Variants in CADM2 observed in about 807,000 individuals in gnomAD.
The protein encoded by CADM2 is immunoglobulin superfamily member 4D.
In CADM2, 12 loss-of-function variants were observed where a neutral mutation model predicts 49.8. The observed-to-expected ratio is 0.24, with a 90% CI of 0.15 to 0.39. The LOEUF (loss-of-function observed/expected upper bound fraction) is 0.39. Ranked by LOEUF, CADM2 falls within the 10% of genes least tolerant of loss-of-function variation. The pLI, the probability that CADM2 is intolerant of heterozygous loss-of-function variation, is 1.00. For synonymous variants in CADM2, 214 were observed against 175.4 expected (o/e 1.22, Z -1.74); for missense variants, 378 against 492.3 (o/e 0.77, Z 2.20).
chr3:86,005,710 T>G (rs752288749), intron 8 of CADM2, among the ~76,000 whole-genome samples: 37 of 152,322 alleles, frequency 2.4e-4, no homozygotes, highest in Admixed American at 1.4e-3. Flanking sequence ...AACTATTCAA[T>G]TATACACTTT....
chr3:85,255,229 G>C (rs113999814), intron 1 of CADM2, among the ~76,000 whole-genome samples: 1 of 151,868 alleles, frequency 6.6e-6, no homozygotes, highest in Admixed American at 6.6e-5. Context: ...ATTTAGCATG[G>C]CATTTATAAT....
intron 1 of CADM2, among the ~76,000 whole-genome samples, chr3:85,305,502 G>A (rs2044192040): frequency 6.6e-6 from 1 of 151,570 alleles, no homozygotes; most frequent in Non-Finnish European, 1.5e-5. Flanking sequence ...GAGAAAGTAA[G>A]TAATCCTGAA....
chr3:85,737,821 C>T (rs1458092429), intron 2 of CADM2, among the ~76,000 whole-genome samples: 3 of 152,106 alleles, frequency 2.0e-5, no homozygotes, highest in South Asian at 4.1e-4. Context: ...GCCTCCCAAA[C>T]TGCTGGGGTT....
intron 1 of CADM2, among the ~76,000 whole-genome samples, chr3:85,242,121 T>C (rs1273239108): frequency 6.6e-6 from 1 of 151,250 alleles, no homozygotes; most frequent in Non-Finnish European, 1.5e-5. Context: ...ATATAACTTT[T>C]TAAGTGTTCT....
intron 1 of CADM2, among the ~76,000 whole-genome samples, chr3:85,117,331 A>G (rs1350777860): frequency 6.6e-6 from 1 of 152,176 alleles, no homozygotes; most frequent in Non-Finnish European, 1.5e-5. Flanking sequence ...TAAAATATAT[A>G]TAAATAAAAA....
intron 4 of CADM2, among the ~76,000 whole-genome samples, chr3:85,885,271 T>A (rs1265913831): frequency 6.6e-6 from 1 of 151,934 alleles, no homozygotes; most frequent in Non-Finnish European, 1.5e-5. Context: ...GCACGGTGGC[T>A]CTTGCCTGTA....
intron 3 of CADM2, among the ~76,000 whole-genome samples, chr3:85,872,303 T>C (rs918367180): frequency 4.6e-5 from 7 of 152,196 alleles, no homozygotes; most frequent in African/African-American, 1.7e-4. Flanking sequence ...AGAAGTCACC[T>C]CCACAGTATA....
At position 85,106,995 on chromosome 3, in the gene CADM2, G is replaced by A. The variant is rs538022647; in HGVS notation, c.61+147327G>A. ...TCCACATAGGATACAATTAGTAGGA[G>A]GGACGAAAAGAAAAAGTGGGACAGG... On this transcript the variant is annotated intron_variant, in intron 1 of 9. Coordinates refer to ENST00000383699, the MANE Select transcript of CADM2 (RefSeq NM_001167675.2). Among the ~76,000 whole-genome samples, 10 of 152,140 alleles carry A rather than the reference G, an allele frequency of 6.6e-5. No homozygotes were observed. The South Asian group carries it at 2.1e-3, about 32-fold the overall frequency.
chr3:85,991,564 C>A (rs990326799), intron 8 of CADM2, among the ~76,000 whole-genome samples: 1 of 151,976 alleles, frequency 6.6e-6, no homozygotes, highest in African/African-American at 2.4e-5. Context: ...AGGTAATGGC[C>A]TTTAGTATCA....
At chr3:85,385,800 C>CTTTTTTTTT (rs3086134) in intron 1 of CADM2, 3 of 127,506 alleles carry the variant, frequency 2.4e-5, no homozygotes, top group African/African-American at 2.9e-5. Flanking sequence ...TTCTCTCTCT[C>CTTTTTTTTT]TTTTTTTTTT....
At chr3:85,171,695 T>G (rs148521029) in intron 1 of CADM2, among the ~76,000 whole-genome samples, 1 of 152,338 alleles carries the variant, frequency 6.6e-6, no homozygotes, top group East Asian at 1.9e-4. Context: ...ATCAATAGAT[T>G]GAAAATTAAA....
At chr3:85,208,367 A>T (rs910136969) in intron 1 of CADM2, among the ~76,000 whole-genome samples, 1 of 152,200 alleles carries the variant, frequency 6.6e-6, no homozygotes, top group African/African-American at 2.4e-5. Context: ...TGTATGACTT[A>T]GTCAGATAAG....
chr3:85,586,371 A>G (rs547242765), intron 1 of CADM2, among the ~76,000 whole-genome samples: 1 of 152,268 alleles, frequency 6.6e-6, no homozygotes, highest in South Asian at 2.1e-4. Context: ...CAGAAAAACA[A>G]TAGAATAAAG....
At chr3:85,027,684 T>C (rs2034797690) in intron 1 of CADM2, among the ~76,000 whole-genome samples, 2 of 152,128 alleles carry the variant, frequency 1.3e-5, no homozygotes, top group Non-Finnish European at 2.9e-5. Context: ...TTTTAGATAA[T>C]TACCTTAAGC....
intron 1 of CADM2, among the ~76,000 whole-genome samples, chr3:85,677,401 A>T (rs1292197048): frequency 6.6e-6 from 1 of 152,232 alleles, no homozygotes. Context: ...GAGAAAGAAG[A>T]ATAACAAGGA....
At chr3:85,552,769 C>A (rs868131307) in intron 1 of CADM2, among the ~76,000 whole-genome samples, 5 of 151,906 alleles carry the variant, frequency 3.3e-5, no homozygotes, top group Non-Finnish European at 5.9e-5. Context: ...CTCTGCCTCC[C>A]GGGTTCAAGT....
intron 1 of CADM2, among the ~76,000 whole-genome samples, chr3:85,086,981 T>G: frequency 6.6e-6 from 1 of 152,158 alleles, no homozygotes; most frequent in Admixed American, 6.6e-5. Flanking sequence ...TGCAAAATGT[T>G]GGGAACCAGG....
rs114055100 is a variant in CADM2 at position 85,810,411 on chromosome 3, A to G, written c.238+8215A>G. Among the ~76,000 whole-genome samples the G allele has an allele frequency of 5.4e-3, 821 of 152,268 alleles. 3 individuals are homozygous for G. The highest frequency in any genetic ancestry group is 0.01 in the Middle Eastern group (3 of 294). ...ATTTCTACATACCCAATTTTCAGTT[A>G]AGATAATTCCATTGAAAATCTTGGG... On this transcript the variant is annotated intron_variant, in intron 3 of 9. Coordinates refer to ENST00000383699, the MANE Select transcript of CADM2 (RefSeq NM_001167675.2).
chr3:86,046,906 T>A (rs1343127458), intron 8 of CADM2, among the ~76,000 whole-genome samples: 4 of 149,818 alleles, frequency 2.7e-5, no homozygotes, highest in Admixed American at 1.4e-4. Context: ...CACAAAAAAA[T>A]TTCCTTATTT....
Sources: allele counts gnomAD v4.1 joint callset (sites outside exome capture counted in the v4.1 genomes callset), GRCh38; gene constraint gnomAD v4.1.1; transcripts MANE v1.5; gene names NCBI Gene and HGNC (gene_info 2026-07-23, HGNC 2026-07-21).